ANKS1B: variants seen among roughly 807,000 people sequenced by gnomAD.
The protein encoded by ANKS1B is ankyrin repeat and sterile alpha motif domain containing 1B.
A neutral mutation model predicts 148.3 loss-of-function variants in ANKS1B; 36 were observed. That is an observed-to-expected ratio of 0.24 (90% CI 0.19 to 0.32). The LOEUF is 0.32. Among genes scored for constraint, ANKS1B ranks in the 10% least tolerant of loss-of-function variants. ANKS1B has a pLI of 1.00. For missense variants in ANKS1B, 1,157 were observed against 1,542.6 expected (o/e 0.75, Z 4.19); for synonymous variants, 542 against 560.8 (o/e 0.97, Z 0.47).
At chr12:98,842,806 G>C (rs1419057134) in intron 17 of ANKS1B, among the ~76,000 whole-genome samples, 1 of 152,140 alleles carries the variant, frequency 6.6e-6, no homozygotes, top group East Asian at 1.9e-4. Context: ...CTTTGTTCTA[G>C]GAGCCTAGTA....
In ANKS1B at chr12:99,376,061, G is replaced by A. The variant is rs563972784; in HGVS notation, c.1756+23570C>T. Reference sequence around the variant, plus strand: ...CCACAAAATCAGAGAAATGACAGACGAATACATGAATTATCAAACCATTCG... The same window carrying A: ...CCACAAAATCAGAGAAATGACAGACAAATACATGAATTATCAAACCATTCG... On this transcript the variant is annotated intron_variant, in intron 12 of 26. Transcript: ENST00000683438. Among the ~76,000 whole-genome samples, 17 of 152,242 alleles carry A rather than the reference G, an allele frequency of 1.1e-4. No homozygotes were observed. In the South Asian group the frequency reaches 3.1e-3, roughly 28 times the overall value.
intron 16 of ANKS1B, among the ~76,000 whole-genome samples, chr12:99,057,748 C>T (rs1424503202): frequency 1.3e-5 from 2 of 152,134 alleles, no homozygotes; most frequent in Non-Finnish European, 2.9e-5. Context: ...TGGTTAGAGA[C>T]GAGGTCTCTG....
chr12:99,380,807 C>A (rs947761347), intron 12 of ANKS1B, among the ~76,000 whole-genome samples: 49 of 126,600 alleles, frequency 3.9e-4, no homozygotes, highest in African/African-American at 1.5e-3. Flanking sequence ...CTTCCTTTCT[C>A]ATGCTCCACA....
At chr12:98,783,255 T>A (rs1336650799) in intron 22 of ANKS1B, among the ~76,000 whole-genome samples, 7 of 152,330 alleles carry the variant, frequency 4.6e-5, no homozygotes, top group African/African-American at 1.7e-4. Flanking sequence ...CGAGTCTAGT[T>A]CAGGGATGGC....
intron 15 of ANKS1B, among the ~76,000 whole-genome samples, chr12:99,129,489 A>G (rs1026207485): frequency 6.6e-6 from 1 of 152,216 alleles, no homozygotes; most frequent in Non-Finnish European, 1.5e-5. Context: ...TGCAGTCACA[A>G]AAGGTGAGTT....
chr12:99,052,518 G>C (rs1032465649), intron 17 of ANKS1B, among the ~76,000 whole-genome samples: 25 of 148,068 alleles, frequency 1.7e-4, no homozygotes, highest in Non-Finnish European at 3.4e-4. Context: ...ATGAGGTCAG[G>C]AGATCGAGAC....
At chr12:99,851,260 A>G (rs12370863) in intron 1 of ANKS1B, among the ~76,000 whole-genome samples, 9,525 of 152,152 alleles carry the variant, frequency 0.063, 333 homozygotes, top group Middle Eastern at 0.15. Flanking sequence ...TAACCAGAAC[A>G]TGTTCAGAGA....
At chr12:99,266,535 T>G (rs1201240059) in intron 12 of ANKS1B, among the ~76,000 whole-genome samples, 10 of 152,138 alleles carry the variant, frequency 6.6e-5, no homozygotes. Context: ...ACTCTAGAGG[T>G]TGTGCTCTTA....
chr12:99,875,767 T>C (rs1000427137), intron 1 of ANKS1B, among the ~76,000 whole-genome samples: 2 of 152,252 alleles, frequency 1.3e-5, no homozygotes, highest in African/African-American at 4.8e-5. Context: ...AGATGTTTAC[T>C]GTGTGTCTCC....
At chr12:99,270,550 C>G (rs1362106106) in intron 12 of ANKS1B, among the ~76,000 whole-genome samples, 1 of 152,178 alleles carries the variant, frequency 6.6e-6, no homozygotes, top group Non-Finnish European at 1.5e-5. Flanking sequence ...ATCCCTAGTG[C>G]CCAAACTCTG....
At chr12:99,062,245 A>G (rs914375993) in intron 16 of ANKS1B, among the ~76,000 whole-genome samples, 5 of 152,208 alleles carry the variant, frequency 3.3e-5, no homozygotes, top group Admixed American at 6.5e-5. Context: ...AAGAATATCT[A>G]TCGCTGAGCG....
At chr12:99,512,957 C>A (rs2096781333) in intron 9 of ANKS1B, among the ~76,000 whole-genome samples, 1 of 151,824 alleles carries the variant, frequency 6.6e-6, no homozygotes, top group Admixed American at 6.6e-5. Context: ...AGGCTTAATA[C>A]CTAGGTGATA....
chr12:98,880,208 C>T (rs2099703416), intron 17 of ANKS1B, among the ~76,000 whole-genome samples: 1 of 152,124 alleles, frequency 6.6e-6, no homozygotes, highest in Admixed American at 6.5e-5. Context: ...AATAACAGCT[C>T]ATATTTAGGA....
chr12:99,669,503 T>C (rs1310523721), intron 8 of ANKS1B, among the ~76,000 whole-genome samples: 3 of 152,178 alleles, frequency 2.0e-5, no homozygotes, highest in East Asian at 3.9e-4. Context: ...TGTTAAGACT[T>C]ACGTTCCCTC....
intron 14 of ANKS1B, among the ~76,000 whole-genome samples, chr12:99,216,169 T>G (rs758773071): frequency 3.3e-5 from 5 of 152,238 alleles, no homozygotes; most frequent in Non-Finnish European, 7.3e-5. Context: ...TGCACTTCGT[T>G]TGCCTTCTGT....
At chr12:99,868,832 C>A (rs1232736326) in intron 1 of ANKS1B, among the ~76,000 whole-genome samples, 1 of 151,860 alleles carries the variant, frequency 6.6e-6, no homozygotes, top group Admixed American at 6.6e-5. Flanking sequence ...CCGAGGCGGG[C>A]AGATCATTTG....
intron 11 of ANKS1B, among the ~76,000 whole-genome samples, chr12:99,407,307 A>T (rs1384122916): frequency 6.8e-6 from 1 of 146,208 alleles, no homozygotes; most frequent in Non-Finnish European, 1.5e-5. Flanking sequence ...ATGCTGAAAA[A>T]GAATTTGATA....
At chr12:99,948,807 T>C (rs1418594417) in intron 1 of ANKS1B, among the ~76,000 whole-genome samples, 3 of 152,160 alleles carry the variant, frequency 2.0e-5, no homozygotes, top group South Asian at 2.1e-4. Flanking sequence ...AATTTTACCA[T>C]AAAATCAGAA....
chr12:99,025,760 C>A (rs1427645486), intron 17 of ANKS1B, among the ~76,000 whole-genome samples: 1 of 152,188 alleles, frequency 6.6e-6, no homozygotes, highest in Non-Finnish European at 1.5e-5. Flanking sequence ...TTGAACCCTT[C>A]ATCCTGAAGT....
Sources: allele counts gnomAD v4.1 joint callset (sites outside exome capture counted in the v4.1 genomes callset), GRCh38; gene constraint gnomAD v4.1.1; transcripts MANE v1.5; gene names NCBI Gene and HGNC (gene_info 2026-07-23, HGNC 2026-07-21).